Variants in TPD52L2 observed in about 807,000 individuals in gnomAD.
TPD52L2 encodes the protein tumor protein D54.
TPD52L2 carries 19 observed loss-of-function variants against 24.7 expected under a neutral mutation model. The observed-to-expected ratio is 0.77, with a 90% CI of 0.54 to 1.13. The LOEUF is 1.13. TPD52L2 is among the 50% of genes most tolerant of loss of function. The probability of loss-of-function intolerance (pLI) is 0.00; values close to 1 mark genes in which losing one functional copy is unlikely to be tolerated. For missense variants in TPD52L2, 236 were observed against 250.4 expected (o/e 0.94, Z 0.39); for synonymous variants, 104 against 100.2 (o/e 1.04, Z -0.23).
chr20:63,888,906 A>G, intron 5 of TPD52L2: 1 of 521,960 alleles, frequency 1.9e-6, no homozygotes. Context: ...CCTGTAGGGT[A>G]TGACAGAGAG....
Position 63,865,349 on chromosome 20 carries a change from C to G in TPD52L2, c.-17C>G. On this transcript the variant is annotated 5_prime_UTR_variant, in exon 1 of 7. Coordinates refer to ENST00000346249, the MANE Select transcript of TPD52L2 (RefSeq NM_003288.4). ...CTCCCATAGCGCCCGCGACAGCGGT[C>G]CGGACGCCGCCCGAACATGGACTCC... is the stretch of plus-strand genomic sequence containing the variant. 3 of 1,525,594 alleles carry G rather than the reference C, an allele frequency of 2.0e-6. No individual in the cohort carries two copies. Among genetic ancestry groups the G allele is most frequent in the Non-Finnish European group, 2.6e-6 (3 of 1,142,184 alleles). 94.5% of individuals were successfully genotyped at this position (1,525,594 alleles called of 1,614,324 possible).
At chr20:63,869,537 T>C (rs1404481033) in intron 2 of TPD52L2, 96 bp downstream of exon 2, 1 of 1,512,672 alleles carries the variant, frequency 6.6e-7, no homozygotes, top group African/African-American at 1.4e-5. Flanking sequence ...CGGGAGGAAT[T>C]GCCCTGGGTG....
chr20:63,879,496 G>A (rs111617754), intron 4 of TPD52L2, among the ~76,000 whole-genome samples: 8 of 152,052 alleles, frequency 5.3e-5, no homozygotes, highest in Non-Finnish European at 2.9e-5. Flanking sequence ...CACAGGTCAC[G>A]CTCAGGACCC....
At chr20:63,880,841 AGATGGTGCTGCT>A (rs1432855273) in intron 4 of TPD52L2, among the ~76,000 whole-genome samples, 1 of 151,094 alleles carries the variant, frequency 6.6e-6, no homozygotes, top group Non-Finnish European at 1.5e-5. Context: ...CAGTGAGCCG[AGATGGTGCTGCT>A]GCACTCCAGC....
At chr20:63,880,638 C>A (rs913115092) in intron 4 of TPD52L2, among the ~76,000 whole-genome samples, 1 of 152,172 alleles carries the variant, frequency 6.6e-6, no homozygotes, top group African/African-American at 2.4e-5. Flanking sequence ...CACCTGTAAT[C>A]CCAACACTTT....
At chr20:63,887,744 C>G (rs1281611791) in intron 5 of TPD52L2, 21 of 879,262 alleles carry the variant, frequency 2.4e-5, no homozygotes, top group African/African-American at 3.3e-5. Flanking sequence ...CCTCTGATGA[C>G]TAAGGGCCGG....
chr20:63,874,791 G>A (rs145556549), intron 3 of TPD52L2, among the ~76,000 whole-genome samples: 15 of 152,240 alleles, frequency 9.9e-5, no homozygotes, highest in South Asian at 2.1e-4. Context: ...TGGCAAGAGC[G>A]GTTTTTCTGT....
intron 5 of TPD52L2, among the ~76,000 whole-genome samples, chr20:63,886,391 T>C (rs4809242): frequency 0.12 from 17,699 of 151,480 alleles, 1,161 homozygotes; most frequent in East Asian, 0.24. Flanking sequence ...GACGGAGTCT[T>C]GCTCTGTCGC....
intron 5 of TPD52L2, chr20:63,887,430 G>A: frequency 1.0e-6 from 1 of 989,388 alleles, no homozygotes; most frequent in Middle Eastern, 2.1e-4. Flanking sequence ...ATTGTGTGGA[G>A]GGGCAGGCAG....
chr20:63,871,813 T>C (rs1034388379), intron 2 of TPD52L2, among the ~76,000 whole-genome samples: 7 of 151,982 alleles, frequency 4.6e-5, no homozygotes, highest in African/African-American at 1.7e-4. Flanking sequence ...TTTGTATTTT[T>C]GGTAGAGACG....
At position 63,867,790 on chromosome 20, in the gene TPD52L2, G is replaced by C. The variant is rs1010814932; in HGVS notation, c.20-1506G>C. 6.7e-5 allele frequency among the ~76,000 whole-genome samples: 9 copies of C among 134,554 alleles called. No individual in the cohort carries two copies. The East Asian group carries it at 1.1e-3, about 16-fold the overall frequency. 88.3% of individuals were successfully genotyped at this position (134,554 alleles called of 152,430 possible). On this transcript the variant is annotated intron_variant, in intron 1 of 6. Transcript: ENST00000346249. The stretch of plus-strand genomic sequence containing the variant: ...TTTTTTTTTCTTTTTCTTTTCTTTT[G>C]TTTTTTTTTTTTGAGACAGTCTCAA...
intron 4 of TPD52L2, among the ~76,000 whole-genome samples, chr20:63,881,106 C>T (rs951023985): frequency 1.3e-5 from 2 of 151,988 alleles, no homozygotes; most frequent in African/African-American, 4.8e-5. Context: ...TCACACCTGT[C>T]ATCCCAGCAC....
Position 63,890,438 on chromosome 20 carries a change from T to C in TPD52L2, c.*493T>C, listed in dbSNP as rs780054654. On this transcript the variant is annotated 3_prime_UTR_variant, in exon 7 of 7. Transcript: ENST00000346249. ...ATGCCGAACGAGAAAACTGTCCATT[T>C]TCTGAGACCCCCAGAAAGGAAACTG... The C allele has an allele frequency of 1.9e-5, 3 of 160,216 alleles. No homozygotes were observed. The highest frequency in any genetic ancestry group is 4.1e-5 in the Non-Finnish European group (3 of 73,372). 9.9% of individuals were successfully genotyped at this position (160,216 alleles called of 1,614,324 possible). A position where few individuals can be genotyped will look rare whatever the true frequency, so the allele number is the denominator to read the frequency against.
At position 63,877,186 on chromosome 20, in the gene TPD52L2, C is replaced by A. The variant is rs562136868; in HGVS notation, c.374+1311C>A. 2 of 345,918 alleles carry A rather than the reference C, an allele frequency of 5.8e-6. No homozygotes were observed. Among genetic ancestry groups the A allele is most frequent in the East Asian group, 1.6e-4 (2 of 12,568 alleles). 21.4% of individuals were successfully genotyped at this position (345,918 alleles called of 1,614,324 possible). ...GACTACAGGCGCCCGCCACCACGCC[C>A]GGCTAATTTTTTCTATTTTTAGTAG... On this transcript the variant is annotated intron_variant, in intron 4 of 6. Transcript: ENST00000346249. This position sits in a 1 kb window ranked among gnomAD's most constrained non-coding sequence, Gnocchi z 4.1.
chr20:63,879,717 C>T (rs1194155213), intron 4 of TPD52L2, among the ~76,000 whole-genome samples: 24 of 131,936 alleles, frequency 1.8e-4, no homozygotes, highest in African/African-American at 6.1e-4. Context: ...AATGCAGGTG[C>T]AGCTTCCCCA....
In TPD52L2 at chr20:63,891,504, G is replaced by A. The variant is rs1056090155; in HGVS notation, c.*1559G>A. ...TTTCCTTAAAGTTATTATAATAATG[G>A]GTAATTTGTCAATAAAGCATTCCTT... On this transcript the variant is annotated 3_prime_UTR_variant, in exon 7 of 7. Transcript: ENST00000346249. The surrounding 1 kb of genome is among the most constrained non-coding windows in gnomAD (Gnocchi z 4.7). The A allele has an allele frequency of 6.6e-6, 1 of 152,288 alleles. No homozygotes were observed. Among genetic ancestry groups the A allele is most frequent in the Non-Finnish European group, 1.5e-5 (1 of 68,044 alleles). 9.4% of individuals were successfully genotyped at this position (152,288 alleles called of 1,614,324 possible).
chr20:63,885,125 C>T (rs769384235), intron 5 of TPD52L2, among the ~76,000 whole-genome samples: 3 of 152,226 alleles, frequency 2.0e-5, no homozygotes, highest in Non-Finnish European at 2.9e-5. Flanking sequence ...TGAACCCCGG[C>T]GGACCCCTGC....
chr20:63,873,885 G>GT, intron 3 of TPD52L2, 69 bp downstream of exon 3: 1 of 1,404,588 alleles, frequency 7.1e-7, no homozygotes, highest in African/African-American at 1.5e-5. Flanking sequence ...CCCGGCATGT[G>GT]GGGGGGCGTC....
At chr20:63,872,540 G>A (rs561525229) in intron 2 of TPD52L2, among the ~76,000 whole-genome samples, 1 of 151,886 alleles carries the variant, frequency 6.6e-6, no homozygotes, top group African/African-American at 2.4e-5. Flanking sequence ...ACCATACCTG[G>A]CTAATTTTTG....
Sources: gnomAD v4.1 joint callset for allele counts (sites outside exome capture counted in the v4.1 genomes callset) on GRCh38, gnomAD v4.1.1 for gene constraint, Gnocchi (gnomAD v3.1) non-coding constraint, MANE v1.5 for transcripts, NCBI Gene and HGNC (gene_info 2026-07-23, HGNC 2026-07-21) for gene names.